The following FGFR2 variants were observed in gnomAD, a reference collection of about 807,000 sequenced individuals.
The protein encoded by FGFR2 is BEK fibroblast growth factor receptor.
Under a neutral mutation model 95.9 loss-of-function variants are expected in FGFR2, and 19 were observed. The ratio of observed to expected loss-of-function variants is 0.20; its 90% CI spans 0.14 to 0.29. FGFR2 has a LOEUF of 0.29. Among genes scored for constraint, FGFR2 ranks in the 10% least tolerant of loss-of-function variants. The pLI is 1.00. For missense variants in FGFR2, 707 were observed against 1,056.9 expected (o/e 0.67, Z 4.59); for synonymous variants, 392 against 393.3 (o/e 1.00, Z 0.04).
intron 4 of FGFR2, among the ~76,000 whole-genome samples, chr10:121,559,292 G>A (rs1856624311): frequency 6.6e-6 from 1 of 152,148 alleles, no homozygotes; most frequent in Non-Finnish European, 1.5e-5. Flanking sequence ...TTTTCCAGGT[G>A]GCTGAAAATA....
At chr10:121,555,800 A>C (rs1856053989) in intron 4 of FGFR2, among the ~76,000 whole-genome samples, 1 of 152,180 alleles carries the variant, frequency 6.6e-6, no homozygotes, top group African/African-American at 2.4e-5. Context: ...GCACATTAGT[A>C]ATAATATTAA....
rs992281430 is a variant in FGFR2 at position 121,478,718 on chromosome 10, G to A, written c.*1139C>T. ...ATGGGACTTGAAGATCCTAACAGGC[G>A]TCTCCAACGCCAAAGAGTCTGGAAG... On this transcript the variant is annotated 3_prime_UTR_variant, in exon 18 of 18. Transcript: ENST00000358487. 7.3e-5 allele frequency: 17 copies of A among 233,508 alleles called. No homozygotes were observed. Among genetic ancestry groups the A allele is most frequent in the African/African-American group, 1.3e-4 (6 of 45,444 alleles). 14.5% of individuals were successfully genotyped at this position (233,508 alleles called of 1,614,324 possible).
Position 121,478,897 on chromosome 10 carries a change from G to A in FGFR2, c.*960C>T, listed in dbSNP as rs41294353. 67 of 233,510 alleles carry A rather than the reference G, an allele frequency of 2.9e-4. No individual in the cohort carries two copies. The highest frequency in any genetic ancestry group is 1.3e-3 in the African/African-American group (61 of 45,458). 14.5% of individuals were successfully genotyped at this position (233,510 alleles called of 1,614,324 possible). On this transcript the variant is annotated 3_prime_UTR_variant, in exon 18 of 18. Transcript: ENST00000358487. ...GGATTAAGGCATCTTTTAAGAGGAC[G>A]CTGGTACCATTTATCTTGGGAAGTC...
intron 2 of FGFR2, among the ~76,000 whole-genome samples, chr10:121,571,980 A>G (rs1236229718): frequency 6.6e-6 from 1 of 151,696 alleles, no homozygotes; most frequent in Non-Finnish European, 1.5e-5. Flanking sequence ...CTGTTTTGAT[A>G]CTTTAAAAAT....
rs561392600 is a variant in FGFR2 at position 121,488,402 on chromosome 10, G to A, written c.1864-289C>T. ...CTAAAACTACAAAAATTAGCCGAGCGTGGTGGTGTGCACCTGTAGTCCCAG... is the reference window on the plus strand; with the variant it reads ...CTAAAACTACAAAAATTAGCCGAGCATGGTGGTGTGCACCTGTAGTCCCAG... On this transcript the variant is annotated intron_variant, in intron 13 of 17. Transcript: ENST00000358487. Among the ~76,000 whole-genome samples, 82 of 152,074 alleles carry A rather than the reference G, an allele frequency of 5.4e-4. 1 individual carries two copies. The highest frequency in any genetic ancestry group is 2.0e-3 in the African/African-American group (81 of 41,480).
Position 121,485,002 on chromosome 10 carries a change from C to T in FGFR2, c.2195+393G>A, listed in dbSNP as rs1414856695. On this transcript the variant is annotated intron_variant, in intron 16 of 17. Coordinates refer to ENST00000358487, the MANE Select transcript of FGFR2 (RefSeq NM_000141.5). This position sits in a 1 kb window ranked among gnomAD's most constrained non-coding sequence, Gnocchi z 4.2. ...AGGCTGTGTTGGTTCCTTAATCCTA[C>T]ACCCTGCAGGGCGGCCCCGCGGCTT... Among the ~76,000 whole-genome samples the T allele has an allele frequency of 1.3e-5, 2 of 152,172 alleles. No homozygotes were observed. The highest frequency in any genetic ancestry group is 6.5e-5 in the Admixed American group (1 of 15,286).
chr10:121,524,684 A>G (rs1851088773), intron 6 of FGFR2, among the ~76,000 whole-genome samples: 3 of 152,216 alleles, frequency 2.0e-5, no homozygotes, highest in Admixed American at 1.3e-4. Flanking sequence ...TAACTTCTGA[A>G]AAACCGAGGT....
At chr10:121,523,451 C>T (rs1410544667) in intron 6 of FGFR2, among the ~76,000 whole-genome samples, 1 of 152,146 alleles carries the variant, frequency 6.6e-6, no homozygotes, top group Non-Finnish European at 1.5e-5. Context: ...CCCAGCTGGC[C>T]TCATCCATGT....
chr10:121,505,482 G>A (rs550104085), intron 9 of FGFR2, among the ~76,000 whole-genome samples: 2 of 152,294 alleles, frequency 1.3e-5, no homozygotes, highest in East Asian at 3.9e-4. Context: ...TGGTCAAAAT[G>A]TTTTAAAAGC....
intron 4 of FGFR2, among the ~76,000 whole-genome samples, chr10:121,562,150 C>T (rs942387543): frequency 1.3e-5 from 2 of 152,198 alleles, no homozygotes; most frequent in African/African-American, 4.8e-5. Flanking sequence ...ACATACTCTT[C>T]TCACATAATC....
At position 121,598,407 on chromosome 10, in the gene FGFR2, AC is replaced by A. The variant is rs1275997158; in HGVS notation, c.-597del. The A allele has an allele frequency of 6.5e-6, 1 of 154,402 alleles. No individual in the cohort carries two copies. Among genetic ancestry groups the A allele is most frequent in the African/African-American group, 2.5e-5 (1 of 40,674 alleles). 9.6% of individuals were successfully genotyped at this position (154,402 alleles called of 1,614,324 possible). A position where few individuals can be genotyped will look rare whatever the true frequency, so the allele number is the denominator to read the frequency against. On this transcript the variant is annotated 5_prime_UTR_variant, in exon 1 of 18. Transcript: ENST00000358487. ...GCGCGCGCTCCCTCGCCCGCTCCGC[AC>A]CCGCCGCCCGCCCGCTCGGCTCTCC...
chr10:121,584,856 ACC>A (rs1455240177), intron 2 of FGFR2, among the ~76,000 whole-genome samples: 25 of 14,996 alleles, frequency 1.7e-3, no homozygotes, highest in Admixed American at 1.8e-3. Context: ...TCCATCCCGC[ACC>A]CCACCCCAAC....
chr10:121,584,280 C>A (rs1286934445), intron 2 of FGFR2, among the ~76,000 whole-genome samples: 2 of 151,824 alleles, frequency 1.3e-5, no homozygotes, highest in African/African-American at 4.8e-5. Flanking sequence ...GCAAGGATGA[C>A]CATACCATGT....
Position 121,485,853 on chromosome 10 carries a change from TC to T in FGFR2, c.2058-322del, listed in dbSNP as rs1446949121. 6.6e-6 allele frequency among the ~76,000 whole-genome samples: 1 copy of T among 152,212 alleles called. No homozygotes were observed. The highest frequency in any genetic ancestry group is 1.5e-5 in the Non-Finnish European group (1 of 68,034). On this transcript the variant is annotated intron_variant, in intron 15 of 17. Transcript: ENST00000358487. The surrounding 1 kb of genome is among the most constrained non-coding windows in gnomAD (Gnocchi z 4.2). Reference sequence around the variant, plus strand: ...CAGTTTCAAAGCCTTTACGCTCCTTTCCAACTCCTTATGTGCCTGACCCAAG... The same window carrying T: ...CAGTTTCAAAGCCTTTACGCTCCTTTCAACTCCTTATGTGCCTGACCCAAG...
chr10:121,485,965 G>A lies in FGFR2; in HGVS notation c.2058-433C>T, dbSNP rs1048354321. On this transcript the variant is annotated intron_variant, in intron 15 of 17. Coordinates refer to ENST00000358487, the MANE Select transcript of FGFR2 (RefSeq NM_000141.5). This position sits in a 1 kb window ranked among gnomAD's most constrained non-coding sequence, Gnocchi z 4.2. ...ATCACAGCTGCCCTGTGTGGCTGGC[G>A]GAACATCTGCTGCACAGAGGCTCTG... Among the ~76,000 whole-genome samples the A allele has an allele frequency of 3.9e-5, 6 of 152,180 alleles. No homozygotes were observed. The highest frequency in any genetic ancestry group is 5.9e-5 in the Non-Finnish European group (4 of 68,040).
At chr10:121,505,430 A>G (rs1353042749) in intron 9 of FGFR2, among the ~76,000 whole-genome samples, 2 of 152,184 alleles carry the variant, frequency 1.3e-5, no homozygotes, top group Non-Finnish European at 2.9e-5. Flanking sequence ...TTATTCCTAA[A>G]CTTCATTATG....
At chr10:121,540,224 G>A (rs969210103) in intron 5 of FGFR2, among the ~76,000 whole-genome samples, 3 of 152,206 alleles carry the variant, frequency 2.0e-5, no homozygotes, top group Non-Finnish European at 4.4e-5. Context: ...ACAGCCTGGA[G>A]CTGGTGATGG....
At position 121,533,771 on chromosome 10, in the gene FGFR2, G is replaced by A. The variant is rs533985470; in HGVS notation, c.748+4821C>T. 9.8e-5 allele frequency among the ~76,000 whole-genome samples: 15 copies of A among 152,302 alleles called. No homozygotes were observed. In the South Asian group the frequency reaches 2.9e-3, roughly 29 times the overall value. ...TGAAGAAGTCCGCTTGGAGAGCAAG[G>A]AGCATTCATACAGATAGGCGTGGAG... is the stretch of plus-strand genomic sequence containing the variant. On this transcript the variant is annotated intron_variant, in intron 6 of 17. Coordinates refer to ENST00000358487, the MANE Select transcript of FGFR2 (RefSeq NM_000141.5).
Position 121,518,031 on chromosome 10 carries a change from T to C in FGFR2, c.940-568A>G, listed in dbSNP as rs765612472. The C allele has an allele frequency of 2.0e-6, 1 of 496,336 alleles. No homozygotes were observed. The highest frequency in any genetic ancestry group is 1.5e-5 in the South Asian group (1 of 66,170). 30.7% of individuals were successfully genotyped at this position (496,336 alleles called of 1,614,324 possible). ...CCTACATAGCATTGACAAAAAGAAA[T>C]GGAAGCAAGCATCATCTTGGTAACC... On this transcript the variant is annotated intron_variant, in intron 7 of 17. Coordinates refer to ENST00000358487, the MANE Select transcript of FGFR2 (RefSeq NM_000141.5). This position sits in a 1 kb window ranked among gnomAD's most constrained non-coding sequence, Gnocchi z 4.0.
Sources: gnomAD v4.1 joint callset for allele counts (sites outside exome capture counted in the v4.1 genomes callset) on GRCh38, gnomAD v4.1.1 for gene constraint, Gnocchi (gnomAD v3.1) non-coding constraint, MANE v1.5 for transcripts, NCBI Gene and HGNC (gene_info 2026-07-23, HGNC 2026-07-21) for gene names.